KDELR3: variants seen among roughly 807,000 people sequenced by gnomAD.
The protein encoded by KDELR3 is KDEL endoplasmic reticulum protein retention receptor 3, also known as ER lumen protein-retaining receptor 3.
A neutral mutation model predicts 22.7 loss-of-function variants in KDELR3; 26 were observed. That is an observed-to-expected ratio of 1.15 (90% CI 0.84 to 1.59). KDELR3 has a LOEUF of 1.59. Ranked by LOEUF, KDELR3 falls within the 40% of genes most tolerant of loss-of-function variation. KDELR3 has a pLI of 0.00. For missense variants in KDELR3, 289 were observed against 251.1 expected (o/e 1.15, Z -1.02); for synonymous variants, 120 against 98.2 (o/e 1.22, Z -1.31).
At chr22:38,468,762 T>C (rs1461055685) in intron 1 of KDELR3, among the ~76,000 whole-genome samples, 2 of 150,366 alleles carry the variant, frequency 1.3e-5, no homozygotes, top group African/African-American at 4.9e-5. Flanking sequence ...AAGTGAGCCC[T>C]CGTCCCTCCC....
intron 1 of KDELR3, among the ~76,000 whole-genome samples, chr22:38,471,281 A>G (rs1016947786): frequency 1.3e-5 from 2 of 152,214 alleles, no homozygotes; most frequent in Non-Finnish European, 2.9e-5. Context: ...CAAGCGGGTG[A>G]CCAAGCGTCC....
intron 1 of KDELR3, 54 bp downstream of exon 1, chr22:38,468,378 C>T (rs2089501081): frequency 4.5e-6 from 7 of 1,547,038 alleles, no homozygotes; most frequent in South Asian, 4.5e-5. Context: ...CAGCCTCATG[C>T]CCCTGCGTGC....
In KDELR3 at chr22:38,479,547, G is replaced by A. The variant is rs1441505424; in HGVS notation, c.193-46G>A. The A allele has an allele frequency of 7.0e-6, 11 of 1,573,156 alleles. No homozygotes were observed. In the Admixed American group the frequency reaches 1.2e-4, roughly 17 times the overall value. The stretch of plus-strand genomic sequence containing the variant: ...GCTAGGAGCGTAGTAAATAGGCCGG[G>A]AAATGACTTCATAGATTCGATTCCC... On this transcript the variant is annotated intron_variant, in intron 2 of 4. Coordinates refer to ENST00000216014, the MANE Select transcript of KDELR3 (RefSeq NM_006855.4).
In KDELR3 at chr22:38,474,508, T is replaced by A; in HGVS notation, c.92-15T>A. 1 of 1,606,266 alleles carries A rather than the reference T, an allele frequency of 6.2e-7. No homozygotes were observed. The highest frequency in any genetic ancestry group is 8.5e-7 in the Non-Finnish European group (1 of 1,173,366). ...GTCTGTGTCCTCATTGTCTCCTGTC[T>A]ACCCTTGGCCACAGGCATCTCTGGG... On this transcript the variant is annotated splice_polypyrimidine_tract_variant and intron_variant, in intron 1 of 4. Coordinates refer to ENST00000216014, the MANE Select transcript of KDELR3 (RefSeq NM_006855.4).
chr22:38,479,495 C>G, intron 2 of KDELR3, 98 bp from the exon 3 acceptor site: 1 of 1,125,062 alleles, frequency 8.9e-7, no homozygotes, highest in Non-Finnish European at 1.3e-6. Context: ...TACATTATGG[C>G]AGAACACTGA....
At chr22:38,476,884 G>T (rs2089563158) in intron 2 of KDELR3, among the ~76,000 whole-genome samples, 1 of 11,442 alleles carries the variant, frequency 8.7e-5, no homozygotes, top group Non-Finnish European at 1.6e-4. Flanking sequence ...TTGGCTCACT[G>T]CAGTCTCTGC....
In KDELR3 at chr22:38,482,950, G is replaced by A. The variant is rs372712432; in HGVS notation, c.*414G>A. Reference sequence around the variant, plus strand: ...TTAAAATATTAGGGTACGTTCTTGTGAATTTCCACTTTCCAGGTAGATGAC... The same window carrying A: ...TTAAAATATTAGGGTACGTTCTTGTAAATTTCCACTTTCCAGGTAGATGAC... On this transcript the variant is annotated 3_prime_UTR_variant, in exon 5 of 5. Coordinates refer to ENST00000216014, the MANE Select transcript of KDELR3 (RefSeq NM_006855.4). The A allele has an allele frequency of 1.2e-5, 2 of 167,730 alleles. No individual in the cohort carries two copies. The highest frequency in any genetic ancestry group is 4.8e-5 in the African/African-American group (2 of 42,052). The allele number at this position is 167,730 out of a possible 1,614,324, so 10.4% of individuals were successfully genotyped here.
chr22:38,475,734 A>T (rs1035245505), intron 2 of KDELR3, among the ~76,000 whole-genome samples: 1 of 151,834 alleles, frequency 6.6e-6, no homozygotes, highest in African/African-American at 2.4e-5. Flanking sequence ...TCAAGCCGGG[A>T]GCTTGCCTTG....
chr22:38,482,865 C>G lies in KDELR3; in HGVS notation c.*329C>G, dbSNP rs2089615129. ...GCCTGAGGGCAAGACTCATGATGAGCAAGTCAACCCCAATCTGGAACAATG... is the reference window on the plus strand; with the variant it reads ...GCCTGAGGGCAAGACTCATGATGAGGAAGTCAACCCCAATCTGGAACAATG... On this transcript the variant is annotated 3_prime_UTR_variant, in exon 5 of 5. Transcript: ENST00000216014. The G allele has an allele frequency of 3.4e-6, 1 of 297,702 alleles. No individual in the cohort carries two copies. The allele number at this position is 297,702 out of a possible 1,614,324, so 18.4% of individuals were successfully genotyped here.
chr22:38,474,458 C>A, intron 1 of KDELR3, 65 bp from the exon 2 acceptor site: 1 of 1,321,466 alleles, frequency 7.6e-7, no homozygotes, highest in Non-Finnish European at 1.1e-6. Context: ...GGCTGTGCAC[C>A]TCTTGAGGGT....
At chr22:38,469,492 A>G (rs2089510533) in intron 1 of KDELR3, among the ~76,000 whole-genome samples, 1 of 152,202 alleles carries the variant, frequency 6.6e-6, no homozygotes, top group Non-Finnish European at 1.5e-5. Flanking sequence ...CATGAGCAAC[A>G]GTACGGTGTG....
In KDELR3 at chr22:38,479,681, G is replaced by T. The variant is rs201816064; in HGVS notation, c.281G>T (p.Arg94Leu). Residue 94 changes from arginine to leucine, a missense_variant, in exon 3 of 5, where the codon CGC (arginine) becomes CTC (leucine). Arg to Leu is a moderately radical substitution (Grantham distance 102). Transcript: ENST00000216014. ...TTTGACAGTGAGAATGACACATTCC[G>T]CCTGGAGTTTCTTCTGGTCCCAGTC... The part of the protein sequence containing the change: ...KTFDSENDTF[R>L]LEFLLVPVIG... 1.2e-6 allele frequency: 2 copies of T among 1,614,024 alleles called. No individual in the cohort carries two copies. The highest frequency in any genetic ancestry group is 2.2e-5 in the East Asian group (1 of 44,892).
rs191001974 is a variant in KDELR3, at chr22:38,481,179, G to T, written c.352-33G>T. On this transcript the variant is annotated intron_variant, in intron 3 of 4. Transcript: ENST00000216014. ...TTAAGATGGGCCTCTTCTTGGTCTTGCTCAGTCTCTGGTTGCTTTCTCTTT... is the reference window on the plus strand; with the variant it reads ...TTAAGATGGGCCTCTTCTTGGTCTTTCTCAGTCTCTGGTTGCTTTCTCTTT... 1.9e-4 allele frequency: 294 copies of T among 1,580,316 alleles called. No homozygotes were observed. In the African/African-American group the frequency reaches 3.5e-3, roughly 19 times the overall value.
At chr22:38,481,625 T>G in intron 4 of KDELR3, 161 bp downstream of exon 4, 1 of 1,477,268 alleles carries the variant, frequency 6.8e-7, no homozygotes, top group Non-Finnish European at 8.9e-7. Flanking sequence ...AAGAAACAAA[T>G]GCCATAAAAA....
Position 38,481,282 on chromosome 22 carries a change from C to T in KDELR3, c.422C>T (p.Thr141Ile), listed in dbSNP as rs941287806. The T allele has an allele frequency of 1.2e-6, 2 of 1,614,078 alleles. No individual in the cohort carries two copies. Among genetic ancestry groups the T allele is most frequent in the Non-Finnish European group, 1.7e-6 (2 of 1,180,040 alleles). The change falls in exon 4 of 5, where the codon ACT (threonine) becomes ATT (isoleucine). Residue 141 changes from threonine to isoleucine, a missense_variant. By Grantham distance (89) the Thr-to-Ile change is moderately conservative. Coordinates refer to ENST00000216014, the MANE Select transcript of KDELR3 (RefSeq NM_006855.4). ...ILPQLFMISK[T>I]GEAETITTHY... ...CCCCAGCTCTTCATGATCAGCAAGA[C>T]TGGAGAGGCTGAGACCATAACTACT... is the stretch of plus-strand genomic sequence containing the variant.
chr22:38,477,482 C>CAT (rs2089568436), intron 2 of KDELR3, among the ~76,000 whole-genome samples: 1 of 152,108 alleles, frequency 6.6e-6, no homozygotes, highest in Non-Finnish European at 1.5e-5. Context: ...GGATTACAGG[C>CAT]GAGAGCCACC....
At chr22:38,472,803 G>A (rs538943932) in intron 1 of KDELR3, among the ~76,000 whole-genome samples, 14 of 152,216 alleles carry the variant, frequency 9.2e-5, no homozygotes, top group African/African-American at 2.9e-4. Flanking sequence ...GGGTTCAAGC[G>A]ATTCTCCTGC....
intron 2 of KDELR3, among the ~76,000 whole-genome samples, chr22:38,476,805 T>A (rs2089562146): frequency 6.6e-6 from 1 of 150,436 alleles, no homozygotes; most frequent in African/African-American, 2.4e-5. Context: ...ATTACAGGCG[T>A]GAGCCACCAC....
intron 1 of KDELR3, among the ~76,000 whole-genome samples, chr22:38,471,107 G>T (rs1318923100): frequency 1.3e-5 from 2 of 152,170 alleles, no homozygotes; most frequent in East Asian, 3.9e-4. Flanking sequence ...TTGCACCATT[G>T]CACTCCAGCC....
Sources: allele counts gnomAD v4.1 joint callset (sites outside exome capture counted in the v4.1 genomes callset), GRCh38; gene constraint gnomAD v4.1.1; transcripts MANE v1.5; gene names NCBI Gene and HGNC (gene_info 2026-07-23, HGNC 2026-07-21).